The following ACSS3 variants were observed in gnomAD, a reference collection of about 807,000 sequenced individuals.
The protein encoded by ACSS3 is acyl-CoA synthetase short-chain family member 3, mitochondrial.
ACSS3 carries 64 observed loss-of-function variants against 84.2 expected under a neutral mutation model. The observed-to-expected ratio is 0.76, with a 90% CI of 0.62 to 0.94. ACSS3 has a LOEUF of 0.94. ACSS3 is among the 40% of genes least tolerant of loss of function. The pLI is 0.00. For missense variants in ACSS3, 815 were observed against 867.6 expected, an observed-to-expected ratio of 0.94 and a Z score of 0.76; for synonymous variants, 317 against 310.1, an observed-to-expected ratio of 1.02 and a Z score of -0.23.
chr12:81,110,983 A>T (rs2121513540), intron 2 of ACSS3, among the ~76,000 whole-genome samples: 1 of 152,320 alleles, frequency 6.6e-6, no homozygotes, highest in Non-Finnish European at 1.5e-5. Flanking sequence ...GCCTTGTAAG[A>T]AATTTCAAGA....
intron 4 of ACSS3, among the ~76,000 whole-genome samples, chr12:81,142,095 G>A (rs939682881): frequency 4.6e-5 from 7 of 152,154 alleles, no homozygotes; most frequent in Middle Eastern, 3.2e-3. Flanking sequence ...GAAAATGGAA[G>A]TGGCTTGTCT....
intron 9 of ACSS3, among the ~76,000 whole-genome samples, chr12:81,209,621 G>A (rs1593199171): frequency 1.3e-5 from 2 of 152,172 alleles, no homozygotes; most frequent in East Asian, 1.9e-4. Context: ...TTGAATTCAG[G>A]GCAAGTCCAT....
rs1030932289 is a variant in ACSS3, at chr12:81,139,161, A to C, written c.676A>C (p.Ile226Leu). The change falls in exon 4 of 16, where the codon ATT (isoleucine) becomes CTT (leucine). Residue 226 changes from isoleucine to leucine, a missense_variant. Physicochemically the swap from Ile to Leu is conservative, Grantham distance 5. Transcript: ENST00000548058. The stretch of plus-strand genomic sequence containing the variant: ...GGTGGTTGTTACAGCATCATTTGGC[A>C]TTGAACCTGGAAGGAGGGTAGAGTA... ...PKVVVTASFG[I>L]EPGRRVEYVP... 6.2e-7 allele frequency: 1 copy of C among 1,613,858 alleles called. No individual in the cohort carries two copies. Among genetic ancestry groups the C allele is most frequent in the South Asian group, 1.1e-5 (1 of 91,082 alleles).
intron 11 of ACSS3, among the ~76,000 whole-genome samples, chr12:81,221,665 G>A (rs528376982): frequency 8.6e-5 from 13 of 152,010 alleles, no homozygotes; most frequent in Non-Finnish European, 1.5e-4. Context: ...ATTTGTATTC[G>A]CAGTTCTCTG....
intron 1 of ACSS3, among the ~76,000 whole-genome samples, chr12:81,098,063 T>C (rs1882197208): frequency 6.6e-6 from 1 of 152,156 alleles, no homozygotes; most frequent in Non-Finnish European, 1.5e-5. Flanking sequence ...CCGGGTACTC[T>C]GGTTTCCTTT....
chr12:81,144,902 T>TG (rs1886253407), intron 5 of ACSS3, among the ~76,000 whole-genome samples: 1 of 71,834 alleles, frequency 1.4e-5, no homozygotes, highest in Non-Finnish European at 3.3e-5. Context: ...TTTTTTCTTT[T>TG]CTTTTTTTTT....
At chr12:81,197,335 C>T (rs370007996) in intron 8 of ACSS3, among the ~76,000 whole-genome samples, 1 of 152,090 alleles carries the variant, frequency 6.6e-6, no homozygotes, top group Admixed American at 6.6e-5. Flanking sequence ...TTTCTCACTA[C>T]TGCGGTCAAA....
intron 11 of ACSS3, among the ~76,000 whole-genome samples, chr12:81,220,543 A>G (rs1336622206): frequency 6.6e-6 from 1 of 151,980 alleles, no homozygotes; most frequent in East Asian, 1.9e-4. Flanking sequence ...CCCATCACCC[A>G]AATAGTGAAC....
chr12:81,132,152 A>T (rs1885545565), intron 2 of ACSS3, among the ~76,000 whole-genome samples: 2 of 152,196 alleles, frequency 1.3e-5, no homozygotes, highest in African/African-American at 4.8e-5. Context: ...AAAATGAGTT[A>T]GGGAGGATTC....
intron 1 of ACSS3, among the ~76,000 whole-genome samples, chr12:81,090,480 A>G (rs1881601261): frequency 6.6e-6 from 1 of 150,540 alleles, no homozygotes; most frequent in Non-Finnish European, 1.5e-5. Flanking sequence ...TGTATATATC[A>G]GTTGAACTGA....
rs780549407 is a variant in ACSS3 at position 81,209,714 on chromosome 12, CT to C, written c.1355-7186del. On this transcript the variant is annotated intron_variant, in intron 9 of 15. Transcript: ENST00000548058. ...ATAGGAAGAGCAGCCCGAACGGCTA[CT>C]GGTTGGCTATTTTTATGGTTATTTT... Among the ~76,000 whole-genome samples, 4 of 152,164 alleles carry C rather than the reference CT, an allele frequency of 2.6e-5. No individual in the cohort carries two copies. In the South Asian group the frequency reaches 8.3e-4, roughly 32 times the overall value.
intron 2 of ACSS3, among the ~76,000 whole-genome samples, chr12:81,110,996 G>C (rs1883529579): frequency 6.6e-6 from 1 of 152,088 alleles, no homozygotes; most frequent in African/African-American, 2.4e-5. Flanking sequence ...TTTCAAGAAA[G>C]GCAACTCAGA....
chr12:81,213,863 CCTT>C (rs1343827965), intron 9 of ACSS3, among the ~76,000 whole-genome samples: 14 of 98,282 alleles, frequency 1.4e-4, no homozygotes, highest in Non-Finnish European at 2.3e-4. Context: ...CTCTTCTCTT[CCTT>C]TCTTTCTTTC....
Position 81,242,901 on chromosome 12 carries a change from A to C in ACSS3, c.1719+9430A>C, listed in dbSNP as rs374328411. ...CCTATGACAAACCCACAGCCAATAT[A>C]ATACTGAATGGGCAAAAACTGGAAG... On this transcript the variant is annotated intron_variant, in intron 13 of 15. Coordinates refer to ENST00000548058, the MANE Select transcript of ACSS3 (RefSeq NM_024560.4). Among the ~76,000 whole-genome samples the C allele has an allele frequency of 5.3e-5, 8 of 152,244 alleles. No homozygotes were observed. The East Asian group carries it at 5.8e-4, about 11-fold the overall frequency.
chr12:81,151,963 T>C, intron 6 of ACSS3, 38 bp from the exon 7 acceptor site: 1 of 1,612,278 alleles, frequency 6.2e-7, no homozygotes, highest in Non-Finnish European at 8.5e-7. Context: ...TGACATTCTC[T>C]GAATAAAATA....
chr12:81,188,949 C>T (rs567779625), intron 8 of ACSS3, among the ~76,000 whole-genome samples: 22 of 152,070 alleles, frequency 1.4e-4, no homozygotes, highest in Middle Eastern at 6.8e-3. Context: ...ATTTATTCTC[C>T]TAGCATTTTT....
intron 13 of ACSS3, among the ~76,000 whole-genome samples, chr12:81,241,405 T>A (rs973687096): frequency 6.6e-6 from 1 of 152,004 alleles, no homozygotes; most frequent in African/African-American, 2.4e-5. Context: ...CCTGAGGAAT[T>A]GCCACACTGA....
intron 11 of ACSS3, 79 bp downstream of exon 11, chr12:81,220,155 T>C (rs1415425939): frequency 9.2e-6 from 7 of 762,764 alleles, no homozygotes; most frequent in Non-Finnish European, 1.4e-5. Flanking sequence ...GTCATTGCAG[T>C]GTTACTGCTA....
At chr12:81,133,062 A>G (rs1245487541) in intron 2 of ACSS3, among the ~76,000 whole-genome samples, 3 of 152,092 alleles carry the variant, frequency 2.0e-5, no homozygotes, top group Non-Finnish European at 4.4e-5. Context: ...TTCTTGAAAC[A>G]TAGCACTCAA....
Sources: allele counts gnomAD v4.1 joint callset (sites outside exome capture counted in the v4.1 genomes callset), GRCh38; gene constraint gnomAD v4.1.1; transcripts MANE v1.5; gene names NCBI Gene and HGNC (gene_info 2026-07-23, HGNC 2026-07-21).